JMY: variants seen among roughly 807,000 people sequenced by gnomAD.
JMY encodes the protein junction mediating and regulatory protein, p53 cofactor.
Under a neutral mutation model 103.3 loss-of-function variants are expected in JMY, and 46 were observed. The ratio of observed to expected loss-of-function variants is 0.45; its 90% CI spans 0.35 to 0.57. The LOEUF (loss-of-function observed/expected upper bound fraction) is 0.57, where lower values mean the gene tolerates loss of function less well. Ranked by LOEUF, JMY falls within the 20% of genes least tolerant of loss-of-function variation. The probability of loss-of-function intolerance (pLI) is 0.00; values close to 1 mark genes in which losing one functional copy is unlikely to be tolerated. For synonymous variants in JMY, 526 were observed against 489.3 expected, an observed-to-expected ratio of 1.07 and a Z score of -0.99; for missense variants, 1,238 against 1,255.2, an observed-to-expected ratio of 0.99 and a Z score of 0.21.
At chr5:79,272,500 C>T (rs534205458) in intron 1 of JMY, among the ~76,000 whole-genome samples, 12 of 151,264 alleles carry the variant, frequency 7.9e-5, no homozygotes, top group African/African-American at 2.7e-4. Flanking sequence ...CTTTTTTCTC[C>T]TCTTCTTTTC....
chr5:79,278,202 C>A, intron 2 of JMY, 119 bp downstream of exon 2: 1 of 829,592 alleles, frequency 1.2e-6, no homozygotes, highest in South Asian at 2.1e-5. Flanking sequence ...GTACCTGGTC[C>A]TATTTCTGCA....
chr5:79,312,010 T>TTTCA (rs1381392562), intron 7 of JMY, among the ~76,000 whole-genome samples: 1 of 152,048 alleles, frequency 6.6e-6, no homozygotes, highest in East Asian at 1.9e-4. Context: ...AGAGATAGGG[T>TTTCA]TTCACCATGT....
At chr5:79,248,555 C>T (rs1001874057) in intron 1 of JMY, among the ~76,000 whole-genome samples, 4 of 151,888 alleles carry the variant, frequency 2.6e-5, no homozygotes, top group Non-Finnish European at 4.4e-5. Flanking sequence ...GTGATCCACC[C>T]GCCTCAGCCT....
intron 2 of JMY, among the ~76,000 whole-genome samples, chr5:79,286,941 A>T (rs1010356657): frequency 6.6e-6 from 1 of 152,164 alleles, no homozygotes; most frequent in African/African-American, 2.4e-5. Flanking sequence ...AACAGCTACC[A>T]CTCCTAGGGT....
chr5:79,278,894 TC>T (rs1354020668), intron 2 of JMY, among the ~76,000 whole-genome samples: 9 of 151,948 alleles, frequency 5.9e-5, no homozygotes, highest in Non-Finnish European at 1.3e-4. Context: ...CTCCCGAAGT[TC>T]TGGGACTACA....
At chr5:79,285,882 C>G (rs548011024) in intron 2 of JMY, among the ~76,000 whole-genome samples, 33 of 152,278 alleles carry the variant, frequency 2.2e-4, no homozygotes, top group Non-Finnish European at 3.5e-4. Flanking sequence ...AGCCAGTATC[C>G]AAGTGCTGTG....
At chr5:79,265,318 G>A (rs1441698040) in intron 1 of JMY, among the ~76,000 whole-genome samples, 2 of 152,154 alleles carry the variant, frequency 1.3e-5, no homozygotes, top group Non-Finnish European at 2.9e-5. Flanking sequence ...AGAGATACTT[G>A]CCTCACTAAC....
chr5:79,269,577 A>G (rs772164510), intron 1 of JMY, among the ~76,000 whole-genome samples: 17 of 152,160 alleles, frequency 1.1e-4, no homozygotes, highest in Non-Finnish European at 2.1e-4. Context: ...CACATGGAAT[A>G]TTTCCTTAGA....
chr5:79,260,741 T>C lies in JMY; in HGVS notation c.1033-17169T>C, dbSNP rs189773303. Among the ~76,000 whole-genome samples the C allele has an allele frequency of 1.5e-3, 228 of 149,954 alleles. 2 individuals are homozygous for C. Among genetic ancestry groups the C allele is most frequent in the African/African-American group, 4.4e-3 (181 of 41,238 alleles). ...TTCATGTCCCTTGAGTCTTTTTTTT[T>C]CTCAGATTTTAGTATTAACAAGTAA... On this transcript the variant is annotated intron_variant, in intron 1 of 10. Coordinates refer to ENST00000396137, the MANE Select transcript of JMY (RefSeq NM_152405.5).
chr5:79,291,048 G>T (rs532823389), intron 3 of JMY, 82 bp from the exon 4 acceptor site: 13 of 949,638 alleles, frequency 1.4e-5, no homozygotes, highest in Admixed American at 1.3e-4. Flanking sequence ...GTTTCTCTTT[G>T]TGTGGTCAGT....
intron 2 of JMY, among the ~76,000 whole-genome samples, chr5:79,288,046 CT>C (rs1344544026): frequency 6.6e-6 from 1 of 152,150 alleles, no homozygotes; most frequent in African/African-American, 2.4e-5. Flanking sequence ...TACCAATTTT[CT>C]TATAGCAAAC....
At chr5:79,271,556 A>T (rs140332837) in intron 1 of JMY, among the ~76,000 whole-genome samples, 1 of 152,150 alleles carries the variant, frequency 6.6e-6, no homozygotes, top group African/African-American at 2.4e-5. Flanking sequence ...AATCACTTGC[A>T]TGGATATAGG....
intron 4 of JMY, among the ~76,000 whole-genome samples, chr5:79,298,027 C>T (rs944382127): frequency 8.5e-5 from 13 of 152,098 alleles, no homozygotes; most frequent in Admixed American, 6.6e-4. Flanking sequence ...AAGCTGACAG[C>T]GTAAAGGCAT....
intron 1 of JMY, among the ~76,000 whole-genome samples, chr5:79,264,369 G>A (rs1481941510): frequency 6.6e-6 from 1 of 151,848 alleles, no homozygotes; most frequent in East Asian, 1.9e-4. Flanking sequence ...TTACAGGTGT[G>A]AGCCACTTCA....
At chr5:79,250,835 T>C (rs562317190) in intron 1 of JMY, among the ~76,000 whole-genome samples, 2 of 152,150 alleles carry the variant, frequency 1.3e-5, no homozygotes, top group South Asian at 2.1e-4. Context: ...TATTTTAATA[T>C]CTTTCATTGC....
At chr5:79,292,058 A>G (rs1304616979) in intron 4 of JMY, among the ~76,000 whole-genome samples, 1 of 151,926 alleles carries the variant, frequency 6.6e-6, no homozygotes, top group East Asian at 1.9e-4. Flanking sequence ...TCATTATTTC[A>G]TTTCCCCCTT....
At chr5:79,291,580 A>C (rs1023454294) in intron 4 of JMY, among the ~76,000 whole-genome samples, 2 of 152,242 alleles carry the variant, frequency 1.3e-5, no homozygotes, top group African/African-American at 4.8e-5. Flanking sequence ...TACTGTAAAA[A>C]CGTAAAGCTT....
chr5:79,285,710 C>G (rs1484671736), intron 2 of JMY, among the ~76,000 whole-genome samples: 1 of 152,118 alleles, frequency 6.6e-6, no homozygotes, highest in Admixed American at 6.5e-5. Flanking sequence ...TCAGGCAACT[C>G]CAGGGTCTGG....
rs377615295 is a variant in JMY at position 79,258,890 on chromosome 5, C to T, written c.1033-19020C>T. On this transcript the variant is annotated intron_variant, in intron 1 of 10. Transcript: ENST00000396137. ...TGTTTCAGCCCTGTTTGTGTTACAG[C>T]TCTTTTAGCCCTGCCATTCCCTGGG... Among the ~76,000 whole-genome samples the T allele has an allele frequency of 1.3e-4, 20 of 152,296 alleles. 1 individual carries two copies. The highest frequency in any genetic ancestry group is 5.9e-4 in the Admixed American group (9 of 15,302).
Sources: gnomAD v4.1 joint callset for allele counts (sites outside exome capture counted in the v4.1 genomes callset) on GRCh38, gnomAD v4.1.1 for gene constraint, MANE v1.5 for transcripts, NCBI Gene and HGNC (gene_info 2026-07-23, HGNC 2026-07-21) for gene names.